The following ST6GALNAC5 variants were observed in gnomAD, a reference collection of about 807,000 sequenced individuals.
ST6GALNAC5 encodes ST6 N-acetylgalactosaminide alpha-2,6-sialyltransferase 5.
A neutral mutation model predicts 33.6 loss-of-function variants in ST6GALNAC5; 27 were observed. That is an observed-to-expected ratio of 0.80 (90% confidence interval 0.59 to 1.11). The LOEUF (loss-of-function observed/expected upper bound fraction) is 1.11. Ranked by LOEUF, ST6GALNAC5 falls within the 50% of genes least tolerant of loss-of-function variation. The probability of loss-of-function intolerance (pLI) is 0.00; values close to 1 mark genes in which losing one functional copy is unlikely to be tolerated. For missense variants in ST6GALNAC5, 428 were observed against 454.0 expected (o/e 0.94, Z 0.52); for synonymous variants, 194 against 171.2 (o/e 1.13, Z -1.04).
chr1:77,032,524 C>G (rs1352125129), intron 2 of ST6GALNAC5, among the ~76,000 whole-genome samples: 1 of 152,130 alleles, frequency 6.6e-6, no homozygotes, highest in Non-Finnish European at 1.5e-5. Context: ...GAGGCACTGA[C>G]AGGTTATTCT....
intron 2 of ST6GALNAC5, among the ~76,000 whole-genome samples, chr1:76,901,791 C>T (rs959940503): frequency 2.6e-5 from 4 of 152,032 alleles, no homozygotes; most frequent in Non-Finnish European, 5.9e-5. Flanking sequence ...TTGGATTTTG[C>T]TTTTTCACTT....
rs183893547 is a variant in ST6GALNAC5, at chr1:76,886,475, C to T, written c.261+17733C>T. On this transcript the variant is annotated intron_variant, in intron 2 of 4. Transcript: ENST00000477717. ...ACATTGGAGCCTGCCTCTCCCATGA[C>T]GGCCAGCTGGCAGGGGATATATATT... 3.9e-5 allele frequency among the ~76,000 whole-genome samples: 6 copies of T among 152,254 alleles called. No individual in the cohort carries two copies. The East Asian group carries it at 1.2e-3, about 29-fold the overall frequency.
intron 2 of ST6GALNAC5, among the ~76,000 whole-genome samples, chr1:76,922,943 A>T (rs997952180): frequency 1.0e-4 from 14 of 138,676 alleles, no homozygotes; most frequent in African/African-American, 4.3e-4. Flanking sequence ...CTCAAAAAAA[A>T]AAAAAAGAAA....
At chr1:77,038,822 T>C (rs1651742187) in intron 2 of ST6GALNAC5, among the ~76,000 whole-genome samples, 1 of 152,222 alleles carries the variant, frequency 6.6e-6, no homozygotes, top group Non-Finnish European at 1.5e-5. Context: ...AAAGTTGTCA[T>C]GCTTCGCTAT....
At chr1:77,026,791 CTGAATGAA>C (rs58272106) in intron 2 of ST6GALNAC5, among the ~76,000 whole-genome samples, 10,728 of 149,248 alleles carry the variant, frequency 0.072, 589 homozygotes, top group African/African-American at 0.14. Context: ...AGAACACTTT[CTGAATGAA>C]TGAATGAATG....
intron 2 of ST6GALNAC5, among the ~76,000 whole-genome samples, chr1:76,903,649 T>G (rs1266193338): frequency 6.6e-6 from 1 of 152,164 alleles, no homozygotes; most frequent in Non-Finnish European, 1.5e-5. Flanking sequence ...CTGTTAACTG[T>G]TGAATAGATA....
chr1:76,870,497 T>G (rs954667041), intron 2 of ST6GALNAC5, among the ~76,000 whole-genome samples: 2 of 152,214 alleles, frequency 1.3e-5, no homozygotes, highest in Non-Finnish European at 2.9e-5. Flanking sequence ...CTAAGAATAT[T>G]GAGAGCTTAA....
chr1:77,031,130 C>T (rs547297190), intron 2 of ST6GALNAC5, among the ~76,000 whole-genome samples: 2 of 152,302 alleles, frequency 1.3e-5, no homozygotes, highest in Admixed American at 6.5e-5. Context: ...GTGGCAAAGT[C>T]CCTCCCCAGT....
chr1:76,871,351 C>CT (rs1382273333), intron 2 of ST6GALNAC5: 5 of 152,116 alleles, frequency 3.3e-5, no homozygotes, highest in African/African-American at 1.2e-4. Flanking sequence ...TTCCAACAGC[C>CT]TTTTTTATCT....
intron 2 of ST6GALNAC5, among the ~76,000 whole-genome samples, chr1:77,007,792 A>G (rs557374957): frequency 6.6e-6 from 1 of 152,354 alleles, no homozygotes; most frequent in African/African-American, 2.4e-5. Context: ...CAAAAGCCAC[A>G]ATTACTTTTG....
chr1:76,985,099 C>T (rs899218020), intron 2 of ST6GALNAC5, among the ~76,000 whole-genome samples: 1 of 152,082 alleles, frequency 6.6e-6, no homozygotes, highest in Non-Finnish European at 1.5e-5. Flanking sequence ...CTTTGAAAAC[C>T]AGCACAAGAA....
chr1:76,967,540 G>C (rs1648548744), intron 2 of ST6GALNAC5, among the ~76,000 whole-genome samples: 1 of 152,116 alleles, frequency 6.6e-6, no homozygotes, highest in East Asian at 1.9e-4. Context: ...ATCAGCTCCT[G>C]AATTCATTAA....
At chr1:76,884,803 T>C (rs1653856737) in intron 2 of ST6GALNAC5, among the ~76,000 whole-genome samples, 1 of 152,210 alleles carries the variant, frequency 6.6e-6, no homozygotes, top group African/African-American at 2.4e-5. Flanking sequence ...TTTGATGTGC[T>C]GTTTGATAAA....
chr1:76,952,119 A>G (rs953842614), intron 2 of ST6GALNAC5, among the ~76,000 whole-genome samples: 1 of 152,094 alleles, frequency 6.6e-6, no homozygotes, highest in African/African-American at 2.4e-5. Flanking sequence ...TTCTCCATCC[A>G]TTTCTAATAA....
rs915329781 is a variant in ST6GALNAC5, at chr1:76,892,292, T to C, written c.261+23550T>C. Among the ~76,000 whole-genome samples the C allele has an allele frequency of 2.6e-5, 4 of 152,236 alleles. No individual in the cohort carries two copies. The East Asian group carries it at 7.7e-4, about 29-fold the overall frequency. On this transcript the variant is annotated intron_variant, in intron 2 of 4. Transcript: ENST00000477717. ...TTATTTAGGGCTTCTTTTTTCTTGA[T>C]GTTGTTTCAAAAGGTTGCATTTTGC...
At chr1:76,931,120 G>C (rs933752006) in intron 2 of ST6GALNAC5, among the ~76,000 whole-genome samples, 3 of 152,080 alleles carry the variant, frequency 2.0e-5, no homozygotes, top group African/African-American at 7.2e-5. Context: ...GCCCTGTTGG[G>C]GGACCTGCAT....
intron 2 of ST6GALNAC5, among the ~76,000 whole-genome samples, chr1:76,888,573 T>G (rs1653947421): frequency 6.6e-6 from 1 of 152,160 alleles, no homozygotes; most frequent in African/African-American, 2.4e-5. Context: ...TCCCTATTAT[T>G]TAAACACTGG....
intron 2 of ST6GALNAC5, among the ~76,000 whole-genome samples, chr1:76,873,052 C>T (rs762426148): frequency 7.9e-5 from 12 of 152,340 alleles, no homozygotes; most frequent in Non-Finnish European, 1.2e-4. Flanking sequence ...TCACTATCCT[C>T]CTGTAAATGG....
intron 4 of ST6GALNAC5, among the ~76,000 whole-genome samples, chr1:77,051,735 A>G (rs1652225353): frequency 6.6e-6 from 1 of 152,220 alleles, no homozygotes; most frequent in Admixed American, 6.5e-5. Context: ...AAAAGTAAGT[A>G]GAATGGCCTA....
Sources: allele counts gnomAD v4.1 joint callset (sites outside exome capture counted in the v4.1 genomes callset), GRCh38; gene constraint gnomAD v4.1.1; transcripts MANE v1.5; gene names NCBI Gene and HGNC (gene_info 2026-07-23, HGNC 2026-07-21).